The following PCNX3 variants were observed in gnomAD, a reference collection of about 807,000 sequenced individuals.
PCNX3 encodes the protein pecanex 3, also known as pecanex-like protein 3.
Under a neutral mutation model 207.2 loss-of-function variants are expected in PCNX3, and 58 were observed. That is an observed-to-expected ratio of 0.28 (90% CI 0.23 to 0.35). The LOEUF (loss-of-function observed/expected upper bound fraction) is 0.35, where lower values mean the gene tolerates loss of function less well. PCNX3 is among the 10% of genes least tolerant of loss of function. The pLI is 1.00. For synonymous variants in PCNX3, 1,337 were observed against 1,183.5 expected, an observed-to-expected ratio of 1.13 and a Z score of -2.66; for missense variants, 2,410 against 2,774.4, an observed-to-expected ratio of 0.87 and a Z score of 2.95.
chr11:65,627,159 T>C, intron 21 of PCNX3, 111 bp downstream of exon 21: 1 of 1,393,714 alleles, frequency 7.2e-7, no homozygotes, highest in African/African-American at 1.5e-5. Context: ...TTTAGCAAGC[T>C]AAAGCAGGAC....
In PCNX3 at chr11:65,633,048, G is replaced by A. The variant is rs140382604; in HGVS notation, c.4471-1078G>A. Among the ~76,000 whole-genome samples the A allele has an allele frequency of 1.1e-3, 169 of 152,280 alleles. 1 individual carries two copies. Among genetic ancestry groups the A allele is most frequent in the African/African-American group, 4.0e-3 (168 of 41,564 alleles). On this transcript the variant is annotated intron_variant, in intron 27 of 34. Transcript: ENST00000355703. Reference sequence around the variant, plus strand: ...GTGTGAGCCACCCTGTCTGGCTGAAGCTTTTCTTTTCTGGGTCTTTTTAGC... The same window carrying A: ...GTGTGAGCCACCCTGTCTGGCTGAAACTTTTCTTTTCTGGGTCTTTTTAGC...
chr11:65,622,775 T>TC (rs2135429401), intron 11 of PCNX3, among the ~76,000 whole-genome samples: 2 of 152,160 alleles, frequency 1.3e-5, no homozygotes, highest in East Asian at 3.9e-4. Flanking sequence ...TTTGTATTTT[T>TC]TTTTTTTTAG....
intron 4 of PCNX3, 22 bp from the exon 5 acceptor site, chr11:65,617,589 A>AC: frequency 3.1e-6 from 5 of 1,612,810 alleles, no homozygotes; most frequent in Non-Finnish European, 4.2e-6. Context: ...TCCTGCTGAC[A>AC]CCTCTGGGGC....
intron 20 of PCNX3, 122 bp from the exon 21 acceptor site, chr11:65,626,782 A>G (rs1331134730): frequency 2.1e-6 from 3 of 1,425,848 alleles, no homozygotes. Flanking sequence ...GCCACAGATC[A>G]GCCCCTCCCC....
At chr11:65,622,115 A>G (rs553640525) in intron 10 of PCNX3, 130 bp from the exon 11 acceptor site, 91 of 1,422,002 alleles carry the variant, frequency 6.4e-5, no homozygotes, top group Non-Finnish European at 6.6e-5. Flanking sequence ...TGCTGATGGA[A>G]ATGGTCAACC....
rs142270844 is a variant in PCNX3 at position 65,615,838 on chromosome 11, AC to A, written c.-472del. On this transcript the variant is annotated 5_prime_UTR_variant, in exon 1 of 35. Coordinates refer to ENST00000355703, the MANE Select transcript of PCNX3 (RefSeq NM_032223.4). ...CTTCCGGCCTCCTCCTTAGGCCGGC[AC>A]CAGCAGAAGCCGGGCGAGCGCGGAG... The A allele has an allele frequency of 0.06, 9,112 of 152,308 alleles. 750 individuals carry two copies. Among genetic ancestry groups the A allele is most frequent in the Admixed American group, 0.19 (2,920 of 15,294 alleles). 9.4% of individuals were successfully genotyped at this position (152,308 alleles called of 1,614,324 possible).
In PCNX3 at chr11:65,616,206, G is replaced by C. The variant is rs1333169419; in HGVS notation, c.-106G>C. On this transcript the variant is annotated 5_prime_UTR_variant, in exon 1 of 35. Coordinates refer to ENST00000355703, the MANE Select transcript of PCNX3 (RefSeq NM_032223.4). ...CCCGCTGGGGGAGGCCATGGCGTGA[G>C]CGTGAGGCCGGGCCCCGGGGCCCTC... 1.1e-6 allele frequency: 1 copy of C among 924,428 alleles called. No homozygotes were observed. Among genetic ancestry groups the C allele is most frequent in the East Asian group, 3.3e-5 (1 of 30,394 alleles). The allele number at this position is 924,428 out of a possible 1,614,324, so 57.3% of individuals were successfully genotyped here. A position where few individuals can be genotyped will look rare whatever the true frequency, so the allele number is the denominator to read the frequency against.
chr11:65,631,795 G>A (rs570673929), intron 27 of PCNX3, among the ~76,000 whole-genome samples: 1 of 151,822 alleles, frequency 6.6e-6, no homozygotes, highest in South Asian at 2.1e-4. Flanking sequence ...GGCTCGGTGG[G>A]TGGCCTACTG....
At chr11:65,631,912 G>A (rs1855631173) in intron 27 of PCNX3, among the ~76,000 whole-genome samples, 1 of 152,146 alleles carries the variant, frequency 6.6e-6, no homozygotes, top group Non-Finnish European at 1.5e-5. Context: ...CAGAGGAGCT[G>A]TCATTTGTCA....
chr11:65,616,602 C>T (rs890012158), intron 1 of PCNX3, 138 bp downstream of exon 1: 5 of 1,136,274 alleles, frequency 4.4e-6, no homozygotes, highest in Non-Finnish European at 6.1e-6. Context: ...GAAGAGGGGC[C>T]AAAGTCTTCC....
rs1565159360 is a variant in PCNX3, at chr11:65,622,465, C to T, written c.2357+99C>T. On this transcript the variant is annotated intron_variant, in intron 11 of 34. Transcript: ENST00000355703. The stretch of plus-strand genomic sequence containing the variant: ...TGGAGGCAGTCATGGCAGCAGAGAG[C>T]CTGACTCGGGGGAAGCTGAGGGCCT... 2.2e-6 allele frequency: 3 copies of T among 1,390,920 alleles called. No individual in the cohort carries two copies. The African/African-American group carries it at 4.3e-5, about 20-fold the overall frequency. 86.2% of individuals were successfully genotyped at this position (1,390,920 alleles called of 1,614,324 possible).
At chr11:65,619,324 C>T (rs543262782) in intron 6 of PCNX3, 25 of 592,332 alleles carry the variant, frequency 4.2e-5, no homozygotes, top group South Asian at 2.2e-4. Context: ...CTCATCCTCC[C>T]ACCACCAGTG....
At chr11:65,616,542 G>C in intron 1 of PCNX3, 78 bp downstream of exon 1, 1 of 1,445,278 alleles carries the variant, frequency 6.9e-7, no homozygotes. Flanking sequence ...AGTGCCCTGG[G>C]CTCTGGGACG....
In PCNX3 at chr11:65,625,910, C is replaced by G. The variant is rs1420726836; in HGVS notation, c.3235C>G (p.Leu1079Val). The change falls in exon 20 of 35, where the codon CTG becomes GTG. Residue 1079 changes from leucine to valine, a missense_variant. By Grantham distance (32) the Leu-to-Val change is conservative. This residue lies in a region of PCNX3 where 333 missense variants were observed against 386.8 expected (regional missense o/e 0.86). Coordinates refer to ENST00000355703, the MANE Select transcript of PCNX3 (RefSeq NM_032223.4). The surrounding 1 kb of genome is among the most constrained non-coding windows in gnomAD (Gnocchi z 5.6). ...TGGCCTCTCCCTCCTGCAGTCGGTG[C>G]TGGGTTTCGTGTTGTACGCACTGGC... ...STVFIALKSV[L>V]GFVLYALAGA... 2 of 1,613,030 alleles carry G rather than the reference C, an allele frequency of 1.2e-6. No individual in the cohort carries two copies. The highest frequency in any genetic ancestry group is 2.2e-5 in the East Asian group (1 of 44,874).
rs374294239 is a variant in PCNX3, at chr11:65,625,894, C to T, written c.3229-10C>T. ...CCATCAGCTGAGTCTCTGGCCTCTC[C>T]CTCCTGCAGTCGGTGCTGGGTTTCG... is the stretch of plus-strand genomic sequence containing the variant. On this transcript the variant is annotated splice_polypyrimidine_tract_variant and intron_variant, in intron 19 of 34. Coordinates refer to ENST00000355703, the MANE Select transcript of PCNX3 (RefSeq NM_032223.4). The surrounding 1 kb of genome is among the most constrained non-coding windows in gnomAD (Gnocchi z 5.6). 2 of 1,611,050 alleles carry T rather than the reference C, an allele frequency of 1.2e-6. No homozygotes were observed. The highest frequency in any genetic ancestry group is 1.3e-5 in the African/African-American group (1 of 75,020).
rs1855570971 is a variant in PCNX3 at position 65,630,382 on chromosome 11, T to C, written c.4248T>C (p.Ala1416=). ...ACTGCCAGCAGCGCGAGGTGGAGGC[T>C]ATCACCGAGGGTGTGGAGGAGGACG... ...GTYCQQREVE[A]ITEGVEEDEG... Residue 1416 remains alanine (A), a synonymous_variant, in exon 27 of 35, where the codon GCT becomes GCC. Coordinates refer to ENST00000355703, the MANE Select transcript of PCNX3 (RefSeq NM_032223.4). The C allele has an allele frequency of 6.2e-7, 1 of 1,613,334 alleles. No homozygotes were observed.
intron 27 of PCNX3, among the ~76,000 whole-genome samples, chr11:65,631,498 A>G (rs145695704): frequency 0.017 from 2,572 of 152,210 alleles, 84 homozygotes; most frequent in African/African-American, 0.06. Flanking sequence ...CTCTACTAAA[A>G]ATACAAAATA....
intron 10 of PCNX3, among the ~76,000 whole-genome samples, chr11:65,621,238 A>G (rs1268847262): frequency 6.6e-6 from 1 of 152,180 alleles, no homozygotes. Context: ...AACAGGGGCC[A>G]TGGGTGTTAA....
intron 27 of PCNX3, among the ~76,000 whole-genome samples, chr11:65,630,893 C>A (rs1478621620): frequency 6.6e-6 from 1 of 152,216 alleles, no homozygotes; most frequent in African/African-American, 2.4e-5. Flanking sequence ...ACCACCAGCC[C>A]CTGCCCCCAG....
Sources: allele counts gnomAD v4.1 joint callset (sites outside exome capture counted in the v4.1 genomes callset), GRCh38; gene constraint gnomAD v4.1.1; regional missense constraint gnomAD v4.1.1; non-coding constraint Gnocchi (gnomAD v3.1); transcripts MANE v1.5; gene names NCBI Gene and HGNC (gene_info 2026-07-23, HGNC 2026-07-21).